Variants in FKBP15 observed in about 807,000 individuals in gnomAD.
FKBP15 encodes FK506-binding protein 15.
Under a neutral mutation model 158.1 loss-of-function variants are expected in FKBP15, and 106 were observed. The observed-to-expected ratio is 0.67, with a 90% CI of 0.57 to 0.79. FKBP15 has a LOEUF of 0.79. FKBP15 is among the 30% of genes least tolerant of loss of function. The pLI is 0.00. For synonymous variants in FKBP15, 547 were observed against 548.6 expected (o/e 1.00, Z 0.04); for missense variants, 1,287 against 1,479.1 (o/e 0.87, Z 2.13).
At chr9:113,194,422 A>T (rs938053624) in intron 9 of FKBP15, among the ~76,000 whole-genome samples, 4 of 148,560 alleles carry the variant, frequency 2.7e-5, no homozygotes, top group Non-Finnish European at 5.9e-5. Context: ...ATAATAATAA[A>T]AAATAAATAA....
intron 27 of FKBP15, 111 bp downstream of exon 27, chr9:113,168,349 C>G: frequency 3.3e-6 from 3 of 900,542 alleles, no homozygotes; most frequent in Non-Finnish European, 5.2e-6. Context: ...GCCCTGCACA[C>G]AGAGTCCAGG....
Position 113,178,974 on chromosome 9 carries a change from A to AT in FKBP15, c.1915-174dup, listed in dbSNP as rs575660715. On this transcript the variant is annotated intron_variant, in intron 19 of 27. Coordinates refer to ENST00000238256, the MANE Select transcript of FKBP15 (RefSeq NM_015258.2). ...TGGGGTGGACCATCTCTCCTATACA[A>AT]TTATATTACTACTACTATTATGACT... Among the ~76,000 whole-genome samples the AT allele has an allele frequency of 7.0e-4, 107 of 152,240 alleles. 1 individual carries two copies. The highest frequency in any genetic ancestry group is 3.4e-3 in the Middle Eastern group (1 of 294).
intron 1 of FKBP15, among the ~76,000 whole-genome samples, chr9:113,220,219 G>T (rs1412636355): frequency 6.6e-6 from 1 of 152,226 alleles, no homozygotes; most frequent in African/African-American, 2.4e-5. Context: ...AGCAGAATAA[G>T]GGGCATATGT....
chr9:113,188,323 G>T, intron 13 of FKBP15, 66 bp downstream of exon 13: 1 of 1,212,802 alleles, frequency 8.2e-7, no homozygotes, highest in Non-Finnish European at 1.2e-6. Flanking sequence ...ACAGTTTAAG[G>T]AACAGTGACG....
intron 21 of FKBP15, 80 bp downstream of exon 21, chr9:113,176,457 C>T (rs1032748345): frequency 7.1e-7 from 1 of 1,408,632 alleles, no homozygotes; most frequent in Non-Finnish European, 9.6e-7. Context: ...ACAATAAGCA[C>T]ATACTATTGT....
intron 4 of FKBP15, 132 bp downstream of exon 4, chr9:113,206,377 T>C: frequency 1.5e-6 from 1 of 677,504 alleles, no homozygotes; most frequent in Non-Finnish European, 2.6e-6. Flanking sequence ...CTTGATGTTA[T>C]AAATTAACAT....
chr9:113,194,159 G>A lies in FKBP15; in HGVS notation c.875C>T (p.Ala292Val). 1 of 1,609,198 alleles carries A rather than the reference G, an allele frequency of 6.2e-7. No homozygotes were observed. The highest frequency in any genetic ancestry group is 8.5e-7 in the Non-Finnish European group (1 of 1,177,282). The change falls in exon 10 of 28, where the codon GCC (alanine) becomes GTC (valine). Residue 292 changes from alanine (A) to valine (V), a missense_variant. Coordinates refer to ENST00000238256, the MANE Select transcript of FKBP15 (RefSeq NM_015258.2). The stretch of plus-strand genomic sequence containing the variant: ...GTGACCATCAGAGCCAGAATCTCTG[G>A]CAAACTTCACCTAAGGAAACACCGC... Reference protein sequence around the residue: ...FEVEVRRVKFARDSGSDGHSV... With the variant: ...FEVEVRRVKFVRDSGSDGHSV...
At chr9:113,196,380 AC>A (rs1554716627) in intron 9 of FKBP15, among the ~76,000 whole-genome samples, 90 of 127,388 alleles carry the variant, frequency 7.1e-4, no homozygotes, top group African/African-American at 1.1e-3. Context: ...TGAAGAAGTG[AC>A]TTTTTTTTTT....
intron 21 of FKBP15, 69 bp from the exon 22 acceptor site, chr9:113,174,652 G>T: frequency 6.7e-7 from 1 of 1,481,874 alleles, no homozygotes; most frequent in Non-Finnish European, 9.1e-7. Context: ...GATGGCGGTG[G>T]CAGTTAATTA....
intron 4 of FKBP15, among the ~76,000 whole-genome samples, chr9:113,205,722 A>G (rs1378811321): frequency 6.6e-6 from 1 of 152,176 alleles, no homozygotes; most frequent in Non-Finnish European, 1.5e-5. Flanking sequence ...TTCACGATAC[A>G]TACTTTTTTT....
chr9:113,188,009 T>C, intron 13 of FKBP15, 110 bp from the exon 14 acceptor site: 1 of 795,348 alleles, frequency 1.3e-6, no homozygotes. Context: ...TTTCCTTGCC[T>C]AGTCTCCCTA....
At chr9:113,204,281 T>C (rs951951397) in intron 4 of FKBP15, among the ~76,000 whole-genome samples, 2 of 152,246 alleles carry the variant, frequency 1.3e-5, no homozygotes, top group Admixed American at 1.3e-4. Flanking sequence ...GGTTTCTCCA[T>C]GTTGGTCAGG....
Position 113,176,519 on chromosome 9 carries a change from C to A in FKBP15, c.2223+18G>T. On this transcript the variant is annotated intron_variant, in intron 21 of 27. Coordinates refer to ENST00000238256, the MANE Select transcript of FKBP15 (RefSeq NM_015258.2). ...TTATTAAACAGCTAATTCTGGCCAA[C>A]TGGGTTGTAGAGCTTACCTTTTCCA... The A allele has an allele frequency of 6.5e-7, 1 of 1,549,606 alleles. No individual in the cohort carries two copies. Among genetic ancestry groups the A allele is most frequent in the Admixed American group, 2.0e-5 (1 of 50,576 alleles).
rs73655842 is a variant in FKBP15 at position 113,202,947 on chromosome 9, T to C, written c.399+14A>G. ...CCCGAAGGAGCTAATGATTCCAATATGATGAAGTCTTACCATTAGCTCAAA... is the reference window on the plus strand; with the variant it reads ...CCCGAAGGAGCTAATGATTCCAATACGATGAAGTCTTACCATTAGCTCAAA... On this transcript the variant is annotated intron_variant, in intron 5 of 27. Coordinates refer to ENST00000238256, the MANE Select transcript of FKBP15 (RefSeq NM_015258.2). 1.2e-5 allele frequency: 19 copies of C among 1,599,446 alleles called. No individual in the cohort carries two copies. The highest frequency in any genetic ancestry group is 1.3e-5 in the Non-Finnish European group (15 of 1,168,198).
intron 15 of FKBP15, among the ~76,000 whole-genome samples, chr9:113,185,528 C>G (rs192646651): frequency 6.6e-6 from 1 of 152,202 alleles, no homozygotes; most frequent in Non-Finnish European, 1.5e-5. Flanking sequence ...TTCTTCCTAC[C>G]ACTGTCCTAA....
chr9:113,184,335 A>G lies in FKBP15; in HGVS notation c.1673T>C (p.Met558Thr), dbSNP rs1307912075. ...SMLIPSMSVT[M>T]ETSMIMSNIQ... The stretch of plus-strand genomic sequence containing the variant: ...GTTGCTCATAATCATGCTTGTTTCC[A>G]TTGTAACTGACATGCTAGGAATAAG... The change falls in exon 17 of 28, where the codon ATG (methionine) becomes ACG (threonine). Residue 558 changes from methionine to threonine, a missense_variant. Met to Thr is a moderately conservative substitution (Grantham distance 81). Coordinates refer to ENST00000238256, the MANE Select transcript of FKBP15 (RefSeq NM_015258.2). This position sits in a 1 kb window ranked among gnomAD's most constrained non-coding sequence, Gnocchi z 4.5. 1 of 1,606,240 alleles carries G rather than the reference A, an allele frequency of 6.2e-7. No homozygotes were observed. Among genetic ancestry groups the G allele is most frequent in the East Asian group, 2.2e-5 (1 of 44,762 alleles).
intron 11 of FKBP15, 41 bp from the exon 12 acceptor site, chr9:113,190,619 G>GC: frequency 6.9e-7 from 1 of 1,453,000 alleles, no homozygotes; most frequent in Non-Finnish European, 9.5e-7. Context: ...TGTGATTAAA[G>GC]CTCATCACCT....
intron 4 of FKBP15, chr9:113,206,248 A>C (rs968694270): frequency 4.0e-6 from 2 of 501,084 alleles, no homozygotes; most frequent in Non-Finnish European, 3.6e-6. Flanking sequence ...ACAAACAAAC[A>C]AAAAAATGCC....
chr9:113,196,705 C>G (rs1351023949), intron 9 of FKBP15, among the ~76,000 whole-genome samples: 2 of 152,098 alleles, frequency 1.3e-5, no homozygotes, highest in Non-Finnish European at 2.9e-5. Flanking sequence ...TTCTTAAAGT[C>G]ACAACCACTT....
Sources: allele counts gnomAD v4.1 joint callset (sites outside exome capture counted in the v4.1 genomes callset), GRCh38; gene constraint gnomAD v4.1.1; non-coding constraint Gnocchi (gnomAD v3.1); transcripts MANE v1.5; gene names NCBI Gene and HGNC (gene_info 2026-07-23, HGNC 2026-07-21).